FBXL17: variants seen among roughly 807,000 people sequenced by gnomAD.
FBXL17 encodes the protein F-box and leucine rich repeat protein 17, also known as F-box/LRR-repeat protein 17.
FBXL17 carries 22 observed loss-of-function variants against 66.2 expected under a neutral mutation model. The observed-to-expected ratio is 0.33, with a 90% CI of 0.24 to 0.47. The LOEUF (loss-of-function observed/expected upper bound fraction) is 0.47, where lower values mean the gene tolerates loss of function less well. Ranked by LOEUF, FBXL17 falls within the 20% of genes least tolerant of loss-of-function variation. The pLI is 1.00. For synonymous variants in FBXL17, 474 were observed against 400.5 expected (o/e 1.18, Z -2.19); for missense variants, 878 against 948.2 (o/e 0.93, Z 0.97).
chr5:108,363,585 T>C (rs895952788), intron 3 of FBXL17, among the ~76,000 whole-genome samples: 1 of 151,994 alleles, frequency 6.6e-6, no homozygotes, highest in Non-Finnish European at 1.5e-5. Flanking sequence ...ACATAATTAC[T>C]CTCAAAGTTG....
intron 7 of FBXL17, among the ~76,000 whole-genome samples, chr5:107,882,533 T>C (rs965294450): frequency 2.6e-5 from 4 of 152,202 alleles, no homozygotes; most frequent in African/African-American, 9.6e-5. Flanking sequence ...TTGTTAATGT[T>C]TTCATCTTTG....
At chr5:108,287,600 A>T (rs967344894) in intron 4 of FBXL17, among the ~76,000 whole-genome samples, 2 of 151,424 alleles carry the variant, frequency 1.3e-5, no homozygotes, top group Non-Finnish European at 3.0e-5. Flanking sequence ...ACTATTATTT[A>T]AAAAAAAATA....
intron 6 of FBXL17, among the ~76,000 whole-genome samples, chr5:108,068,458 T>TGGGGGGG (rs113038445): frequency 8.3e-6 from 1 of 120,314 alleles, no homozygotes; most frequent in African/African-American, 3.2e-5. Context: ...TTTCTTTTTT[T>TGGGGGGG]GGGGGGGGGG....
intron 7 of FBXL17, among the ~76,000 whole-genome samples, chr5:107,932,145 C>T (rs986087218): frequency 3.3e-5 from 5 of 152,150 alleles, no homozygotes; most frequent in African/African-American, 4.8e-5. Context: ...GGATTTTTGT[C>T]TAGCTCATTT....
chr5:108,255,635 G>T (rs761242962), intron 4 of FBXL17, among the ~76,000 whole-genome samples: 3 of 152,086 alleles, frequency 2.0e-5, no homozygotes, highest in Non-Finnish European at 4.4e-5. Context: ...CCAGATCCAT[G>T]ACATGATCTA....
chr5:108,285,591 T>G (rs1561507185), intron 4 of FBXL17, among the ~76,000 whole-genome samples: 1 of 151,800 alleles, frequency 6.6e-6, no homozygotes, highest in Non-Finnish European at 1.5e-5. Flanking sequence ...AGTGGTATTA[T>G]TTTGAAAGAA....
intron 1 of FBXL17, among the ~76,000 whole-genome samples, chr5:108,369,327 C>T (rs556435411): frequency 3.9e-5 from 6 of 152,238 alleles, no homozygotes; most frequent in Non-Finnish European, 5.9e-5. Flanking sequence ...CTTTCTGGAC[C>T]GAACCAATGT....
chr5:108,224,692 A>T (rs1755022598), intron 4 of FBXL17, among the ~76,000 whole-genome samples: 3 of 152,106 alleles, frequency 2.0e-5, no homozygotes, highest in Admixed American at 2.0e-4. Context: ...CCCAGGTTCA[A>T]CTGATTCTCC....
chr5:108,151,262 A>G (rs1751762452), intron 6 of FBXL17, among the ~76,000 whole-genome samples: 1 of 152,214 alleles, frequency 6.6e-6, no homozygotes, highest in Non-Finnish European at 1.5e-5. Flanking sequence ...AAAAAGAAAG[A>G]AAGAAAAAAG....
At chr5:108,000,454 G>A (rs1247735349) in intron 7 of FBXL17, among the ~76,000 whole-genome samples, 1 of 152,162 alleles carries the variant, frequency 6.6e-6, no homozygotes, top group Non-Finnish European at 1.5e-5. Flanking sequence ...GTTCGTTACA[G>A]ACTCTACCAA....
At position 108,087,352 on chromosome 5, in the gene FBXL17, G is replaced by GCAAA. The variant is rs1164079669; in HGVS notation, c.1746-66352_1746-66351insTTTG. Among the ~76,000 whole-genome samples the GCAAA allele has an allele frequency of 7.2e-5, 11 of 152,200 alleles. 2 individuals carry two copies. Among genetic ancestry groups the GCAAA allele is most frequent in the African/African-American group, 2.4e-4 (10 of 41,540 alleles). ...AGTAAGGACTTGCAGCCAACTACAG[G>GCAAA]GTGGGGCAGCAGCCAGCCTATTCCG... On this transcript the variant is annotated intron_variant, in intron 6 of 8. Coordinates refer to ENST00000542267, the MANE Select transcript of FBXL17 (RefSeq NM_001163315.3).
intron 4 of FBXL17, among the ~76,000 whole-genome samples, chr5:108,310,059 A>G (rs1759044060): frequency 6.6e-6 from 1 of 152,128 alleles, no homozygotes; most frequent in African/African-American, 2.4e-5. Context: ...AAGGTTTTTT[A>G]AAGGCAGGTG....
intron 4 of FBXL17, among the ~76,000 whole-genome samples, chr5:108,236,266 C>T (rs1340666014): frequency 2.0e-5 from 3 of 151,446 alleles, no homozygotes; most frequent in African/African-American, 4.9e-5. Context: ...AATCCCAGCA[C>T]TTTGGAAGGC....
chr5:108,025,935 T>C (rs577285898), intron 6 of FBXL17, among the ~76,000 whole-genome samples: 21 of 152,280 alleles, frequency 1.4e-4, no homozygotes, highest in African/African-American at 4.8e-4. Flanking sequence ...TGATATCTGA[T>C]TGATTTTTCT....
intron 7 of FBXL17, among the ~76,000 whole-genome samples, chr5:107,958,824 A>ATAGGAGTGGCTTTT (rs1751772481): frequency 6.6e-6 from 1 of 152,232 alleles, no homozygotes; most frequent in Non-Finnish European, 1.5e-5. Context: ...TTACATTCGA[A>ATAGGAGTGGCTTTT]ATTAAATGGA....
At chr5:107,917,740 A>G (rs1750177816) in intron 7 of FBXL17, among the ~76,000 whole-genome samples, 1 of 152,220 alleles carries the variant, frequency 6.6e-6, no homozygotes, top group Non-Finnish European at 1.5e-5. Flanking sequence ...TTTCATATTT[A>G]ATCAATGAAC....
intron 7 of FBXL17, among the ~76,000 whole-genome samples, chr5:107,988,862 A>C (rs1753119951): frequency 6.6e-6 from 1 of 152,060 alleles, no homozygotes; most frequent in Non-Finnish European, 1.5e-5. Context: ...ACAGTACTGA[A>C]ATTTGGCCAA....
intron 5 of FBXL17, among the ~76,000 whole-genome samples, chr5:108,189,554 T>A (rs954115311): frequency 2.6e-5 from 4 of 152,066 alleles, no homozygotes; most frequent in African/African-American, 7.2e-5. Flanking sequence ...TCTAAGATGA[T>A]CCCAATGGCC....
At chr5:107,961,660 C>G (rs1289331778) in intron 7 of FBXL17, among the ~76,000 whole-genome samples, 1 of 152,082 alleles carries the variant, frequency 6.6e-6, no homozygotes, top group Non-Finnish European at 1.5e-5. Flanking sequence ...GAGTCAAAAC[C>G]TGGTAAGATT....
Sources: gnomAD v4.1 joint callset for allele counts (sites outside exome capture counted in the v4.1 genomes callset) on GRCh38, gnomAD v4.1.1 for gene constraint, MANE v1.5 for transcripts, NCBI Gene and HGNC (gene_info 2026-07-23, HGNC 2026-07-21) for gene names.